Variants in ADK observed in about 807,000 individuals in gnomAD.
ADK encodes the protein N6,N6-dimethyladenosine kinase.
ADK carries 24 observed loss-of-function variants against 44.7 expected under a neutral mutation model. The ratio of observed to expected loss-of-function variants is 0.54; its 90% CI spans 0.39 to 0.76. The LOEUF (loss-of-function observed/expected upper bound fraction) is 0.76. ADK is among the 30% of genes least tolerant of loss of function. The probability of loss-of-function intolerance (pLI) is 0.00; values close to 1 mark genes in which losing one functional copy is unlikely to be tolerated. For synonymous variants in ADK, 128 were observed against 142.6 expected, an observed-to-expected ratio of 0.90 and a Z score of 0.73; for missense variants, 321 against 425.1, an observed-to-expected ratio of 0.76 and a Z score of 2.15.
chr10:74,631,030 A>G (rs1448795313), intron 9 of ADK, among the ~76,000 whole-genome samples: 1 of 151,982 alleles, frequency 6.6e-6, no homozygotes, highest in African/African-American at 2.4e-5. Context: ...AGTGCCCTCA[A>G]GTTGGTTCTT....
chr10:74,186,484 G>A (rs1842771687), intron 1 of ADK, among the ~76,000 whole-genome samples: 1 of 151,594 alleles, frequency 6.6e-6, no homozygotes, highest in African/African-American at 2.4e-5. Flanking sequence ...GGGGGAGTGG[G>A]GTGGGGGTGG....
chr10:74,649,992 C>T (rs941833198), intron 9 of ADK, among the ~76,000 whole-genome samples: 3 of 152,172 alleles, frequency 2.0e-5, no homozygotes, highest in East Asian at 1.9e-4. Context: ...AATCTCAAAG[C>T]GTGTTTAGAG....
chr10:74,638,763 G>A (rs75503993), intron 9 of ADK, among the ~76,000 whole-genome samples: 2,623 of 152,178 alleles, frequency 0.017, 65 homozygotes, highest in African/African-American at 0.06. Flanking sequence ...TCCTGGTTGT[G>A]GTTGAGACTA....
chr10:74,239,631 G>C (rs888919062), intron 3 of ADK, among the ~76,000 whole-genome samples: 6 of 147,072 alleles, frequency 4.1e-5, no homozygotes, highest in Admixed American at 1.4e-4. Context: ...AGGATCTCTT[G>C]ACCTGGGGAG....
chr10:74,152,251 TA>T (rs1841618001), intron 1 of ADK, among the ~76,000 whole-genome samples: 1 of 152,206 alleles, frequency 6.6e-6, no homozygotes, highest in African/African-American at 2.4e-5. Context: ...AAAGGACACT[TA>T]GGGGCCTGGT....
At chr10:74,255,788 A>G (rs1845801838) in intron 3 of ADK, among the ~76,000 whole-genome samples, 1 of 152,256 alleles carries the variant, frequency 6.6e-6, no homozygotes, top group South Asian at 2.1e-4. Flanking sequence ...CTCCATGGAC[A>G]GTCAGAACAG....
chr10:74,664,672 G>C (rs1054822402), intron 9 of ADK, among the ~76,000 whole-genome samples: 5 of 151,934 alleles, frequency 3.3e-5, no homozygotes, highest in Non-Finnish European at 7.4e-5. Context: ...ATGAAACTCC[G>C]TCTCTACTAA....
chr10:74,680,303 A>G (rs1161817397), intron 10 of ADK, among the ~76,000 whole-genome samples: 1 of 135,064 alleles, frequency 7.4e-6, no homozygotes, highest in Admixed American at 7.8e-5. Context: ...CGACAGAGCA[A>G]GACTCCATCT....
At chr10:74,372,238 A>G (rs1050119759) in intron 4 of ADK, 39 of 761,876 alleles carry the variant, frequency 5.1e-5, no homozygotes, top group Non-Finnish European at 9.1e-5. Context: ...CCAGCTCCTG[A>G]GTTAACTGCT....
At chr10:74,517,771 T>A (rs1848652570) in intron 6 of ADK, among the ~76,000 whole-genome samples, 1 of 152,032 alleles carries the variant, frequency 6.6e-6, no homozygotes, top group Non-Finnish European at 1.5e-5. Context: ...AGGAAGAAGA[T>A]CCAAGTGAAT....
intron 3 of ADK, among the ~76,000 whole-genome samples, chr10:74,260,142 A>C (rs1192034346): frequency 1.3e-5 from 2 of 152,136 alleles, no homozygotes; most frequent in Non-Finnish European, 2.9e-5. Context: ...AAACAAGAAA[A>C]ATCTTGCCCT....
In ADK at chr10:74,589,289, C is replaced by T; in HGVS notation, c.734C>T (p.Ala245Val). ...TTTTTTTTTTTATTTCAGGAAGCTG[C>T]CACTTTTGCTAGAGAGCAAGGCTTT... ...DILFGNETEA[A>V]TFAREQGFET... The change falls in exon 8 of 11, where the codon GCC becomes GTC. Residue 245 changes from alanine (A) to valine (V), a missense_variant. Coordinates refer to ENST00000539909, the MANE Select transcript of ADK (RefSeq NM_006721.4). 2 of 1,613,302 alleles carry T rather than the reference C, an allele frequency of 1.2e-6. No individual in the cohort carries two copies. Among genetic ancestry groups the T allele is most frequent in the Non-Finnish European group, 1.7e-6 (2 of 1,179,694 alleles).
chr10:74,454,015 A>G (rs539939708), intron 6 of ADK, among the ~76,000 whole-genome samples: 23 of 152,274 alleles, frequency 1.5e-4, no homozygotes, highest in African/African-American at 3.6e-4. Flanking sequence ...ACAGATGTCC[A>G]TGATATTTTT....
At chr10:74,609,411 A>G (rs1852460379) in intron 9 of ADK, among the ~76,000 whole-genome samples, 1 of 152,152 alleles carries the variant, frequency 6.6e-6, no homozygotes, top group Admixed American at 6.6e-5. Flanking sequence ...TGTGAAGACC[A>G]TGGGAAAAGT....
At chr10:74,356,301 A>G (rs1040910797) in intron 4 of ADK, among the ~76,000 whole-genome samples, 7 of 151,512 alleles carry the variant, frequency 4.6e-5, no homozygotes, top group Admixed American at 3.3e-4. Flanking sequence ...TACAGGCGTG[A>G]GCCACCGCGC....
At chr10:74,247,970 T>A (rs1421361056) in intron 3 of ADK, among the ~76,000 whole-genome samples, 1 of 152,220 alleles carries the variant, frequency 6.6e-6, no homozygotes. Flanking sequence ...CATATGCTGC[T>A]TTTTTGATGG....
Position 74,223,085 on chromosome 10 carries a change from A to T in ADK, c.141-1453A>T, listed in dbSNP as rs530540021. ...TTACTTAGAATACCTGAAACTGGGT[A>T]TTTTATAAGAAAAGGAATTTATTTC... On this transcript the variant is annotated intron_variant, in intron 2 of 10. Coordinates refer to ENST00000539909, the MANE Select transcript of ADK (RefSeq NM_006721.4). 1.3e-4 allele frequency among the ~76,000 whole-genome samples: 20 copies of T among 152,286 alleles called. No individual in the cohort carries two copies. In the South Asian group the frequency reaches 3.9e-3, roughly 30 times the overall value.
chr10:74,465,839 G>A (rs11001043), intron 6 of ADK, among the ~76,000 whole-genome samples: 91,373 of 151,892 alleles, frequency 0.6, 30,018 homozygotes, highest in Middle Eastern at 0.77. Context: ...TCCATAGTAC[G>A]TTCTCCATAG....
At chr10:74,158,389 A>T (rs1052468991) in intron 1 of ADK, among the ~76,000 whole-genome samples, 10 of 152,202 alleles carry the variant, frequency 6.6e-5, no homozygotes, top group Non-Finnish European at 1.2e-4. Context: ...GTAGGCTATA[A>T]TCTTTTAAGC....
Sources: gnomAD v4.1 joint callset for allele counts (sites outside exome capture counted in the v4.1 genomes callset) on GRCh38, gnomAD v4.1.1 for gene constraint, MANE v1.5 for transcripts, NCBI Gene and HGNC (gene_info 2026-07-23, HGNC 2026-07-21) for gene names.